PARN: variants seen among roughly 807,000 people sequenced by gnomAD.
PARN encodes poly(A)-specific ribonuclease.
In PARN, 71 loss-of-function variants were observed where a neutral mutation model predicts 102.8. The ratio of observed to expected loss-of-function variants is 0.69; its 90% CI spans 0.57 to 0.84. PARN has a LOEUF of 0.84. Ranked by LOEUF, PARN falls within the 40% of genes least tolerant of loss-of-function variation. The pLI is 0.00. For missense variants in PARN, 782 were observed against 760.9 expected, an observed-to-expected ratio of 1.03 and a Z score of -0.33; for synonymous variants, 261 against 252.9, an observed-to-expected ratio of 1.03 and a Z score of -0.30.
intron 18 of PARN, among the ~76,000 whole-genome samples, chr16:14,577,151 G>A (rs1188864040): frequency 6.6e-6 from 1 of 152,212 alleles, no homozygotes; most frequent in East Asian, 1.9e-4. Context: ...GAGTATGCAT[G>A]TTTGGTAAAG....
Position 14,586,354 on chromosome 16 carries a change from CT to C in PARN, c.925del (p.Ser309ValfsTer6), listed in dbSNP as rs777725710. The C allele has an allele frequency of 6.5e-7, 1 of 1,531,472 alleles. No individual in the cohort carries two copies. The highest frequency in any genetic ancestry group is 8.9e-7 in the Non-Finnish European group (1 of 1,125,338). The allele number at this position is 1,531,472 out of a possible 1,614,324, so 94.9% of individuals were successfully genotyped here. On this transcript the variant is annotated frameshift_variant, in exon 14 of 24. Transcript: ENST00000437198. LOFTEE classifies it high-confidence loss of function. ...QFYCPLPADL[S>X]EFKEMTTCVF... ...ACATGTTGTCATCTCTTTAAACTCA[CT>C]TAAGTCCTAAAGAACAAGAGAAGGA...
chr16:14,610,243 C>T (rs1417001033), intron 7 of PARN, among the ~76,000 whole-genome samples: 1 of 152,156 alleles, frequency 6.6e-6, no homozygotes, highest in East Asian at 1.9e-4. Flanking sequence ...GAGGCTGAGG[C>T]GGGCAGATCA....
intron 5 of PARN, among the ~76,000 whole-genome samples, chr16:14,624,716 T>G (rs1384756335): frequency 1.3e-5 from 2 of 151,216 alleles, no homozygotes; most frequent in Admixed American, 6.6e-5. Flanking sequence ...GTCAGGAGTT[T>G]GAGACCAGCC....
At chr16:14,617,200 C>T (rs1411192512) in intron 6 of PARN, among the ~76,000 whole-genome samples, 21 of 150,564 alleles carry the variant, frequency 1.4e-4, no homozygotes, top group Admixed American at 8.7e-4. Flanking sequence ...CTGGCTAACA[C>T]GGTGAAACCC....
chr16:14,581,878 T>C (rs1429668441), intron 17 of PARN, among the ~76,000 whole-genome samples: 1 of 152,210 alleles, frequency 6.6e-6, no homozygotes, highest in Non-Finnish European at 1.5e-5. Context: ...ACTTCCAGCC[T>C]GGGTGACAGA....
At chr16:14,620,069 CAAA>C (rs1167781322) in intron 5 of PARN, among the ~76,000 whole-genome samples, 971 of 47,482 alleles carry the variant, frequency 0.02, 15 homozygotes, top group African/African-American at 0.08. Context: ...GACTCTGTCT[CAAA>C]AAAAAAAAAA....
intron 11 of PARN, among the ~76,000 whole-genome samples, chr16:14,603,224 G>A (rs1354869631): frequency 6.6e-6 from 1 of 152,020 alleles, no homozygotes; most frequent in African/African-American, 2.4e-5. Flanking sequence ...CATCACACCT[G>A]GCCTCTAACT....
chr16:14,617,067 G>GT (rs1326789638), intron 6 of PARN, among the ~76,000 whole-genome samples: 5,621 of 132,240 alleles, frequency 0.043, 114 homozygotes, highest in African/African-American at 0.052. Flanking sequence ...TATGTTTTTT[G>GT]TTTTTTTTTA....
chr16:14,571,056 T>G (rs1968777651), intron 18 of PARN, among the ~76,000 whole-genome samples: 1 of 152,006 alleles, frequency 6.6e-6, no homozygotes. Context: ...ATAGTTCACT[T>G]AGAAGATATA....
chr16:14,616,970 T>A (rs1971943901), intron 6 of PARN, among the ~76,000 whole-genome samples: 2 of 151,020 alleles, frequency 1.3e-5, no homozygotes, highest in African/African-American at 4.9e-5. Flanking sequence ...AGTGGTAGAA[T>A]AAACTGCACT....
intron 21 of PARN, among the ~76,000 whole-genome samples, chr16:14,545,700 C>G (rs17260360): frequency 6.6e-6 from 1 of 152,056 alleles, no homozygotes; most frequent in Non-Finnish European, 1.5e-5. Flanking sequence ...TGTAAGCTGC[C>G]GGAATGTTGA....
intron 22 of PARN, among the ~76,000 whole-genome samples, chr16:14,452,118 G>C (rs1386534227): frequency 6.6e-6 from 1 of 152,062 alleles, no homozygotes; most frequent in Admixed American, 6.5e-5. Flanking sequence ...TACGGACATG[G>C]AGATTGACTA....
In PARN at chr16:14,436,518, A is replaced by AGATT. The variant is rs1960703356; in HGVS notation, c.*198_*199insAATC. The stretch of plus-strand genomic sequence containing the variant: ...TACAACCGTGATGAGTGTCAATGTC[A>AGATT]ACAGGCAGTTAGATTAAAAAGGGGA... On this transcript the variant is annotated 3_prime_UTR_variant, in exon 24 of 24. Coordinates refer to ENST00000437198, the MANE Select transcript of PARN (RefSeq NM_002582.4). The AGATT allele has an allele frequency of 1.7e-6, 1 of 603,046 alleles. No homozygotes were observed. The highest frequency in any genetic ancestry group is 2.9e-5 in the Admixed American group (1 of 34,274). The allele number at this position is 603,046 out of a possible 1,614,324, so 37.4% of individuals were successfully genotyped here.
chr16:14,557,910 C>T (rs1339590714), intron 18 of PARN, among the ~76,000 whole-genome samples: 2 of 152,126 alleles, frequency 1.3e-5, no homozygotes, highest in African/African-American at 4.8e-5. Context: ...ATATTATTTT[C>T]CAGCATAAAC....
chr16:14,450,444 G>C (rs1361272308), intron 22 of PARN, among the ~76,000 whole-genome samples: 1 of 152,190 alleles, frequency 6.6e-6, no homozygotes, highest in African/African-American at 2.4e-5. Context: ...TCTGAGGATA[G>C]ACTGAAATTG....
At position 14,482,703 on chromosome 16, in the gene PARN, G is replaced by A; in HGVS notation, c.1605C>T (p.Asp535=). Residue 535 remains aspartate, a synonymous_variant, in exon 22 of 24, where the codon GAC becomes GAT. Coordinates refer to ENST00000437198, the MANE Select transcript of PARN (RefSeq NM_002582.4). ...TGCACTGGGGGTTTAACCGTTTGCT[G>A]TCAGCCTCCTTCCAGCTATCTTCAG... ...KWTEDSWKEA[D]SKRLNPQCIP... The A allele has an allele frequency of 1.9e-6, 3 of 1,613,868 alleles. No individual in the cohort carries two copies. Among genetic ancestry groups the A allele is most frequent in the Non-Finnish European group, 2.5e-6 (3 of 1,179,806 alleles).
At chr16:14,489,437 C>CAAAA (rs770783306) in intron 21 of PARN, among the ~76,000 whole-genome samples, 4 of 59,414 alleles carry the variant, frequency 6.7e-5, no homozygotes, top group African/African-American at 6.5e-5. Flanking sequence ...GAGAGAGACT[C>CAAAA]AAAAAAAAAA....
At chr16:14,596,223 C>T (rs1183258049) in intron 12 of PARN, among the ~76,000 whole-genome samples, 2 of 152,122 alleles carry the variant, frequency 1.3e-5, no homozygotes, top group African/African-American at 2.4e-5. Context: ...AGAGAAACTA[C>T]AAGAATACCA....
At chr16:14,442,048 C>CA (rs1037724367) in intron 23 of PARN, among the ~76,000 whole-genome samples, 3 of 152,128 alleles carry the variant, frequency 2.0e-5, no homozygotes, top group Admixed American at 6.5e-5. Flanking sequence ...ATTTACAGGA[C>CA]AAAAAATAAC....
Sources: gnomAD v4.1 joint callset for allele counts (sites outside exome capture counted in the v4.1 genomes callset) on GRCh38, gnomAD v4.1.1 for gene constraint, MANE v1.5 for transcripts, NCBI Gene and HGNC (gene_info 2026-07-23, HGNC 2026-07-21) for gene names.